XRRA1: variants seen among roughly 807,000 people sequenced by gnomAD.
The protein encoded by XRRA1 is X-ray radiation resistance-associated protein 1.
XRRA1 carries 69 observed loss-of-function variants against 80.2 expected under a neutral mutation model. That is an observed-to-expected ratio of 0.86 (90% CI 0.71 to 1.05). The LOEUF (loss-of-function observed/expected upper bound fraction) is 1.05, where lower values mean the gene tolerates loss of function less well. Ranked by LOEUF, XRRA1 falls within the 50% of genes least tolerant of loss-of-function variation. The pLI is 0.00. For missense variants in XRRA1, 967 were observed against 976.4 expected (o/e 0.99, Z 0.13); for synonymous variants, 348 against 389.9 (o/e 0.89, Z 1.27).
At chr11:74,873,121 T>C (rs774944042) in intron 10 of XRRA1, among the ~76,000 whole-genome samples, 1 of 152,096 alleles carries the variant, frequency 6.6e-6, no homozygotes, top group Non-Finnish European at 1.5e-5. Context: ...CAAGGAAAAA[T>C]AGGCCAGTTC....
intron 1 of XRRA1, among the ~76,000 whole-genome samples, chr11:74,945,624 A>G (rs570757591): frequency 1.3e-5 from 2 of 150,196 alleles, no homozygotes; most frequent in Non-Finnish European, 3.0e-5. Flanking sequence ...CCCTGGTTAC[A>G]TTATCTAAGA....
chr11:74,945,238 A>G (rs937096604), intron 1 of XRRA1, among the ~76,000 whole-genome samples, 153 bp from the exon 2 acceptor site: 1 of 152,186 alleles, frequency 6.6e-6, no homozygotes, highest in African/African-American at 2.4e-5. Context: ...ACAGATAGAT[A>G]CCAATACAGA....
chr11:74,866,704 T>C (rs1297098223), intron 10 of XRRA1, among the ~76,000 whole-genome samples: 2 of 140,682 alleles, frequency 1.4e-5, no homozygotes, highest in Admixed American at 7.0e-5. Flanking sequence ...ATATAATGAA[T>C]GAAATGAAAA....
intron 10 of XRRA1, among the ~76,000 whole-genome samples, chr11:74,895,119 A>G (rs2051933810): frequency 6.6e-6 from 1 of 152,240 alleles, no homozygotes; most frequent in Admixed American, 6.5e-5. Context: ...GAGCAATTAC[A>G]GTAACTGGTT....
chr11:74,939,256 G>A (rs1945780538), intron 3 of XRRA1, among the ~76,000 whole-genome samples: 1 of 152,182 alleles, frequency 6.6e-6, no homozygotes, highest in Non-Finnish European at 1.5e-5. Flanking sequence ...GGAGGCTGGG[G>A]CAGGAGAATC....
chr11:74,872,575 A>G lies in XRRA1; in HGVS notation c.1004-9554T>C, dbSNP rs1018988508. Among the ~76,000 whole-genome samples, 10 of 152,058 alleles carry G rather than the reference A, an allele frequency of 6.6e-5. No homozygotes were observed. In the East Asian group the frequency reaches 1.9e-3, roughly 29 times the overall value. ...GTGTGGCAAGTCAGGGCACTTTAAG[A>G]AGGAGTGCCCAGGCAGCAAGTAGAA... On this transcript the variant is annotated intron_variant, in intron 10 of 18. Coordinates refer to ENST00000684022, the MANE Select transcript of XRRA1 (RefSeq NM_001378157.1).
chr11:74,887,774 T>G (rs1174497815), intron 10 of XRRA1, among the ~76,000 whole-genome samples: 1 of 152,166 alleles, frequency 6.6e-6, no homozygotes, highest in East Asian at 1.9e-4. Flanking sequence ...CAAGAGATTA[T>G]ATCCCGCACC....
intron 10 of XRRA1, among the ~76,000 whole-genome samples, chr11:74,886,689 T>A (rs1396422726): frequency 6.6e-6 from 1 of 152,062 alleles, no homozygotes; most frequent in African/African-American, 2.4e-5. Flanking sequence ...ACCAATGCCA[T>A]TCTTCACCAA....
intron 10 of XRRA1, among the ~76,000 whole-genome samples, chr11:74,896,404 T>TCTCA (rs1292761940): frequency 6.6e-6 from 1 of 152,164 alleles, no homozygotes; most frequent in Non-Finnish European, 1.5e-5. Flanking sequence ...CCCCATGAAC[T>TCTCA]GGTGGTGGTA....
At chr11:74,843,789 T>C (rs766034263) in intron 18 of XRRA1, 65 bp downstream of exon 18, 2 of 1,422,942 alleles carry the variant, frequency 1.4e-6, no homozygotes, top group East Asian at 4.9e-5. Flanking sequence ...ACAAGCCCTT[T>C]CTTTGCCTTT....
chr11:74,906,238 C>A lies in XRRA1; in HGVS notation c.1003+1G>T. 6.2e-7 allele frequency: 1 copy of A among 1,613,116 alleles called. No homozygotes were observed. The highest frequency in any genetic ancestry group is 1.1e-5 in the South Asian group (1 of 90,994). Reference sequence around the variant, plus strand: ...TTTCTGGGACAAGGGGTGTCACTCACCTGTCCGGTCAACATCCTTTTTCAT... The same window carrying A: ...TTTCTGGGACAAGGGGTGTCACTCAACTGTCCGGTCAACATCCTTTTTCAT... On this transcript the variant is annotated splice_donor_variant, in intron 10 of 18. Coordinates refer to ENST00000684022, the MANE Select transcript of XRRA1 (RefSeq NM_001378157.1). LOFTEE classifies it high-confidence loss of function.
chr11:74,853,869 A>G (rs538174106), intron 12 of XRRA1, among the ~76,000 whole-genome samples: 22 of 152,308 alleles, frequency 1.4e-4, no homozygotes, highest in African/African-American at 5.3e-4. Context: ...GGGGCTGGAA[A>G]TGCAAGTAGG....
chr11:74,910,365 G>A (rs1263302791), intron 8 of XRRA1, among the ~76,000 whole-genome samples: 1 of 152,172 alleles, frequency 6.6e-6, no homozygotes, highest in Non-Finnish European at 1.5e-5. Flanking sequence ...GCCTGAGAAC[G>A]CCGACTTGTA....
rs765553334 is a variant in XRRA1 at position 74,843,443 on chromosome 11, C to T, written c.2160G>A (p.Leu720=). 6 of 1,611,760 alleles carry T rather than the reference C, an allele frequency of 3.7e-6. No homozygotes were observed. Among genetic ancestry groups the T allele is most frequent in the South Asian group, 1.1e-5 (1 of 90,410 alleles). ...NITEAPLGAV[L]HQWTERRLVN... ...CCAGCCGCCGTTCTGTCCACTGGTG[C>T]AGGACAGCACCTGCAGGAAAAGAAG... Residue 720 remains leucine (L), a synonymous_variant, in exon 19 of 19, where the codon CTG becomes CTA. Coordinates refer to ENST00000684022, the MANE Select transcript of XRRA1 (RefSeq NM_001378157.1).
At chr11:74,888,914 C>G in intron 10 of XRRA1, among the ~76,000 whole-genome samples, 1 of 152,058 alleles carries the variant, frequency 6.6e-6, no homozygotes, top group East Asian at 1.9e-4. Context: ...GTGAAAAGAC[C>G]AAATCTACGT....
At chr11:74,944,310 A>C (rs1947040730) in intron 2 of XRRA1, among the ~76,000 whole-genome samples, 1 of 152,188 alleles carries the variant, frequency 6.6e-6, no homozygotes, top group South Asian at 2.1e-4. Flanking sequence ...AGTGAAGGAT[A>C]TGATGGCACT....
chr11:74,845,106 C>T lies in XRRA1; in HGVS notation c.1894G>A (p.Ala632Thr), dbSNP rs1246969354. ...TCAATGAAGGCTGGATCAGGCTTGG[C>T]TGTCAGCAGTTCTTCATAGCCGTGG... ...KYHGYEELLT[A>T]KPDPAFIEPK... is the part of the protein sequence containing the mutation. Residue 632 changes from alanine (A) to threonine (T), a missense_variant, in exon 16 of 19, where the codon GCC becomes ACC. Coordinates refer to ENST00000684022, the MANE Select transcript of XRRA1 (RefSeq NM_001378157.1). The T allele has an allele frequency of 6.2e-7, 1 of 1,613,822 alleles. No individual in the cohort carries two copies. Among genetic ancestry groups the T allele is most frequent in the Non-Finnish European group, 8.5e-7 (1 of 1,179,914 alleles).
At chr11:74,940,753 G>A (rs1323301352) in intron 3 of XRRA1, 32 bp downstream of exon 3, 2 of 1,553,838 alleles carry the variant, frequency 1.3e-6, no homozygotes, top group Non-Finnish European at 1.8e-6. Flanking sequence ...CTAGGTATGA[G>A]GAAAAGGTAG....
At chr11:74,918,756 A>G (rs1939676422) in intron 8 of XRRA1, 1 of 152,250 alleles carries the variant, frequency 6.6e-6, no homozygotes, top group African/African-American at 2.4e-5. Flanking sequence ...CTGCCAATAG[A>G]AGGGATTCAT....
Sources: gnomAD v4.1 joint callset for allele counts (sites outside exome capture counted in the v4.1 genomes callset) on GRCh38, gnomAD v4.1.1 for gene constraint, MANE v1.5 for transcripts, NCBI Gene and HGNC (gene_info 2026-07-23, HGNC 2026-07-21) for gene names.